Variants in GPR149 observed in about 807,000 individuals in gnomAD.
GPR149 encodes G protein-coupled receptor 149.
A neutral mutation model predicts 50.2 loss-of-function variants in GPR149; 50 were observed. That is an observed-to-expected ratio of 1.00 (90% CI 0.79 to 1.26). GPR149 has a LOEUF of 1.26. GPR149 is among the 50% of genes most tolerant of loss of function. The pLI is 0.00. For synonymous variants in GPR149, 405 were observed against 358.2 expected, an observed-to-expected ratio of 1.13 and a Z score of -1.48; for missense variants, 983 against 895.4, an observed-to-expected ratio of 1.10 and a Z score of -1.25.
rs375107194 is a variant in GPR149, at chr3:154,421,035, G to A, written c.1623+4C>T. The A allele has an allele frequency of 1.6e-5, 26 of 1,585,970 alleles. No homozygotes were observed. The African/African-American group carries it at 3.5e-4, about 22-fold the overall frequency. ...TTTAACAGCAAGAACAACTTTTACTGTACCTGACGAGGGGTTCTTTCTGAT... is the reference window on the plus strand; with the variant it reads ...TTTAACAGCAAGAACAACTTTTACTATACCTGACGAGGGGTTCTTTCTGAT... On this transcript the variant is annotated splice_donor_region_variant and intron_variant, in intron 3 of 3. Coordinates refer to ENST00000389740, the MANE Select transcript of GPR149 (RefSeq NM_001038705.3).
intron 3 of GPR149, among the ~76,000 whole-genome samples, chr3:154,407,719 C>CACACACACACACAT (rs759884952): frequency 4.4e-3 from 664 of 150,446 alleles, no homozygotes; most frequent in African/African-American, 0.014. Context: ...CACACACACA[C>CACACACACACACAT]ATATATATAT....
At chr3:154,374,104 T>C (rs185979975) in intron 3 of GPR149, among the ~76,000 whole-genome samples, 80 of 152,222 alleles carry the variant, frequency 5.3e-4, no homozygotes, top group Middle Eastern at 3.4e-3. Context: ...CTCAATCATA[T>C]ATCTGAAGTG....
At chr3:154,357,828 G>T (rs1019725903) in intron 3 of GPR149, among the ~76,000 whole-genome samples, 17 of 152,150 alleles carry the variant, frequency 1.1e-4, no homozygotes, top group Non-Finnish European at 2.2e-4. Context: ...CTGCTATAAA[G>T]ACACATGCAC....
chr3:154,375,968 A>G (rs1714785107), intron 3 of GPR149, among the ~76,000 whole-genome samples: 1 of 152,208 alleles, frequency 6.6e-6, no homozygotes, highest in African/African-American at 2.4e-5. Flanking sequence ...ACTGGAACTC[A>G]CACCATCAGC....
chr3:154,425,410 C>G (rs1159533295), intron 2 of GPR149, among the ~76,000 whole-genome samples: 4 of 152,016 alleles, frequency 2.6e-5, no homozygotes, highest in Non-Finnish European at 5.9e-5. Context: ...GCTGATCAAC[C>G]ACCTGGCCCA....
At chr3:154,365,120 T>G (rs1326127608) in intron 3 of GPR149, among the ~76,000 whole-genome samples, 2 of 152,200 alleles carry the variant, frequency 1.3e-5, no homozygotes, top group African/African-American at 4.8e-5. Flanking sequence ...GAGGTAGCAA[T>G]ACCTCCACAG....
In GPR149 at chr3:154,337,242, T is replaced by C. The variant is rs1713675236; in HGVS notation, c.*457A>G. Reference sequence around the variant, plus strand: ...ATAAGCTTGTTTTGCTAGCCACATTTAGGCAAGTTCCTTCAAATATAATTT... The same window carrying C: ...ATAAGCTTGTTTTGCTAGCCACATTCAGGCAAGTTCCTTCAAATATAATTT... On this transcript the variant is annotated 3_prime_UTR_variant, in exon 4 of 4. Coordinates refer to ENST00000389740, the MANE Select transcript of GPR149 (RefSeq NM_001038705.3). Among the ~76,000 whole-genome samples the C allele has an allele frequency of 6.6e-6, 1 of 152,188 alleles. No homozygotes were observed. The highest frequency in any genetic ancestry group is 6.5e-5 in the Admixed American group (1 of 15,270).
Position 154,352,720 on chromosome 3 carries a change from G to C in GPR149, c.1624-14449C>G, listed in dbSNP as rs1258119859. 5 of 785,194 alleles carry C rather than the reference G, an allele frequency of 6.4e-6. No homozygotes were observed. In the African/African-American group the frequency reaches 8.4e-5, roughly 13 times the overall value. 48.6% of individuals were successfully genotyped at this position (785,194 alleles called of 1,614,324 possible). A position where few individuals can be genotyped will look rare whatever the true frequency, so the allele number is the denominator to read the frequency against. On this transcript the variant is annotated intron_variant, in intron 3 of 3. Transcript: ENST00000389740. ...TGATGGTCAGAAAAAATCAACAGCA[G>C]CATAAGAAACGGAAGTCAGAAACCT...
At chr3:154,398,381 G>A (rs984409561) in intron 3 of GPR149, among the ~76,000 whole-genome samples, 2 of 152,110 alleles carry the variant, frequency 1.3e-5, no homozygotes, top group African/African-American at 4.8e-5. Context: ...AACAAAAAAA[G>A]TTTCACTGGA....
At chr3:154,386,735 AG>A (rs113050544) in intron 3 of GPR149, among the ~76,000 whole-genome samples, 2 of 152,222 alleles carry the variant, frequency 1.3e-5, no homozygotes, top group African/African-American at 4.8e-5. Flanking sequence ...AGGACAAAAA[AG>A]GAAGCAAAAC....
chr3:154,350,787 A>G (rs1391477116), intron 3 of GPR149, among the ~76,000 whole-genome samples: 1 of 152,222 alleles, frequency 6.6e-6, no homozygotes, highest in East Asian at 1.9e-4. Flanking sequence ...GATTGGTTCC[A>G]GGACCTCCTG....
rs551437946 is a variant in GPR149, at chr3:154,383,031, G to A, written c.1623+38008C>T. Among the ~76,000 whole-genome samples the A allele has an allele frequency of 1.5e-3, 224 of 152,278 alleles. 1 individual carries two copies. Among genetic ancestry groups the A allele is most frequent in the Middle Eastern group, 3.4e-3 (1 of 294 alleles). ...ATGGCTCTCGTTGAGAATGAAGTGA[G>A]GGCAGCCTAGGACATAGTGCCTGTG... On this transcript the variant is annotated intron_variant, in intron 3 of 3. Transcript: ENST00000389740.
At chr3:154,405,585 CAA>C (rs33943436) in intron 3 of GPR149, among the ~76,000 whole-genome samples, 10 of 83,480 alleles carry the variant, frequency 1.2e-4, no homozygotes, top group Admixed American at 3.6e-4. Context: ...AAGACTCCAT[CAA>C]AAAAAAAAAA....
intron 3 of GPR149, 64 bp downstream of exon 3, chr3:154,420,974 GT>G: frequency 8.5e-7 from 1 of 1,172,316 alleles, no homozygotes; most frequent in Non-Finnish European, 1.2e-6. Flanking sequence ...AACTGATAAT[GT>G]TTTTCATGAC....
chr3:154,413,158 T>C (rs1180756850), intron 3 of GPR149, among the ~76,000 whole-genome samples: 5 of 152,102 alleles, frequency 3.3e-5, no homozygotes, highest in African/African-American at 9.7e-5. Flanking sequence ...CAACTCAAGA[T>C]GGATCAAGAC....
At position 154,349,270 on chromosome 3, in the gene GPR149, A is replaced by G. The variant is rs190728534; in HGVS notation, c.1624-10999T>C. ...GGAAAATAGATAAAAGCTGATATCA[A>G]TGACATTGAAAACAGAAAAACAAAG... On this transcript the variant is annotated intron_variant, in intron 3 of 3. Transcript: ENST00000389740. 3.1e-3 allele frequency among the ~76,000 whole-genome samples: 474 copies of G among 152,312 alleles called. 4 individuals are homozygous for G. Among genetic ancestry groups the G allele is most frequent in the African/African-American group, 0.011 (451 of 41,562 alleles).
chr3:154,426,297 C>T (rs1712292030), intron 2 of GPR149, among the ~76,000 whole-genome samples: 1 of 152,126 alleles, frequency 6.6e-6, no homozygotes, highest in Non-Finnish European at 1.5e-5. Flanking sequence ...AATATCTAGA[C>T]ATTCTAAATA....
At chr3:154,354,418 T>C (rs551082860) in intron 3 of GPR149, among the ~76,000 whole-genome samples, 89 of 152,350 alleles carry the variant, frequency 5.8e-4, no homozygotes, top group African/African-American at 1.9e-3. Context: ...AGTCTCATTC[T>C]TTTGTTGAAT....
At chr3:154,376,041 A>T (rs1331103603) in intron 3 of GPR149, among the ~76,000 whole-genome samples, 1 of 152,174 alleles carries the variant, frequency 6.6e-6, no homozygotes, top group Non-Finnish European at 1.5e-5. Context: ...CAGCTTCTTC[A>T]TCTTCTAAAT....
Sources: gnomAD v4.1 joint callset for allele counts (sites outside exome capture counted in the v4.1 genomes callset) on GRCh38, gnomAD v4.1.1 for gene constraint, MANE v1.5 for transcripts, NCBI Gene and HGNC (gene_info 2026-07-23, HGNC 2026-07-21) for gene names.